The following DOCK3 variants were observed in gnomAD, a reference collection of about 807,000 sequenced individuals.
The protein encoded by DOCK3 is dedicator of cytokinesis 3.
In DOCK3, 60 loss-of-function variants were observed where a neutral mutation model predicts 265.6. That is an observed-to-expected ratio of 0.23 (90% CI 0.18 to 0.28). DOCK3 has a LOEUF of 0.28. Among genes scored for constraint, DOCK3 ranks in the 10% least tolerant of loss-of-function variants. The probability of loss-of-function intolerance (pLI) is 1.00; values close to 1 mark genes in which losing one functional copy is unlikely to be tolerated. For missense variants in DOCK3, 1,981 were observed against 2,594.3 expected (o/e 0.76, Z 5.14); for synonymous variants, 881 against 938.0 (o/e 0.94, Z 1.11).
At chr3:51,145,928 A>G (rs1316720321) in intron 9 of DOCK3, among the ~76,000 whole-genome samples, 2 of 152,182 alleles carry the variant, frequency 1.3e-5, no homozygotes, top group East Asian at 3.9e-4. Flanking sequence ...CCTCCACAAT[A>G]TTGTGAAGTT....
chr3:51,362,175 G>A lies in DOCK3; in HGVS notation c.5145+178G>A, dbSNP rs557732450. ...TCCTCCACACACCATCCTAAGTCTC[G>A]GTTCCCAGGCCTTATTTCCCAAGAA... is the stretch of plus-strand genomic sequence containing the variant. On this transcript the variant is annotated intron_variant, in intron 48 of 52. Transcript: ENST00000266037. Among the ~76,000 whole-genome samples, 169 of 152,296 alleles carry A rather than the reference G, an allele frequency of 1.1e-3. 2 individuals carry two copies. Among genetic ancestry groups the A allele is most frequent in the African/African-American group, 3.7e-3 (153 of 41,548 alleles).
chr3:51,249,907 A>G (rs1337045737), intron 22 of DOCK3, among the ~76,000 whole-genome samples: 1 of 148,470 alleles, frequency 6.7e-6, no homozygotes, highest in Non-Finnish European at 1.5e-5. Flanking sequence ...GACATGGGAG[A>G]CTTTTCATTT....
chr3:51,317,513 G>A (rs895197279), intron 32 of DOCK3, among the ~76,000 whole-genome samples: 18 of 150,358 alleles, frequency 1.2e-4, no homozygotes, highest in Non-Finnish European at 7.4e-5. Context: ...CCGGGAGGTG[G>A]AAGTTGCAGT....
chr3:51,171,577 TGTG>T (rs1322285198), intron 12 of DOCK3, among the ~76,000 whole-genome samples: 1 of 151,192 alleles, frequency 6.6e-6, no homozygotes, highest in Non-Finnish European at 1.5e-5. Context: ...ATTAGCGGAG[TGTG>T]GTGGTGGGCA....
chr3:50,801,173 G>A (rs2043047220), intron 2 of DOCK3, among the ~76,000 whole-genome samples: 1 of 152,122 alleles, frequency 6.6e-6, no homozygotes, highest in African/African-American at 2.4e-5. Flanking sequence ...GCAATGGTGA[G>A]CACACACCTG....
At chr3:51,265,399 A>G (rs1245456734) in intron 23 of DOCK3, among the ~76,000 whole-genome samples, 3 of 152,186 alleles carry the variant, frequency 2.0e-5, no homozygotes, top group Non-Finnish European at 2.9e-5. Context: ...CACAACAAAA[A>G]CAGAAAATTT....
At chr3:51,104,899 C>G (rs1219815171) in intron 9 of DOCK3, among the ~76,000 whole-genome samples, 1 of 152,140 alleles carries the variant, frequency 6.6e-6, no homozygotes, top group Non-Finnish European at 1.5e-5. Flanking sequence ...AGTAATCCTC[C>G]AACCCCAGCC....
Position 51,017,442 on chromosome 3 carries a change from G to A in DOCK3, c.316-47006G>A, listed in dbSNP as rs150073472. Among the ~76,000 whole-genome samples, 193 of 151,604 alleles carry A rather than the reference G, an allele frequency of 1.3e-3. 5 individuals carry two copies. In the East Asian group the frequency reaches 0.029, roughly 22 times the overall value. ...GCTTGCTTTTCCAGTTCTTTAAGAT[G>A]TATCATTGGGTTGTTTATTTAAAGC... On this transcript the variant is annotated intron_variant, in intron 5 of 52. Transcript: ENST00000266037.
chr3:51,141,394 C>T (rs2085064274), intron 9 of DOCK3, among the ~76,000 whole-genome samples: 1 of 150,668 alleles, frequency 6.6e-6, no homozygotes, highest in African/African-American at 2.4e-5. Flanking sequence ...TAGTAATCAT[C>T]ACAGCAGTTA....
At chr3:50,972,736 ATTT>A (rs2077278506) in intron 5 of DOCK3, among the ~76,000 whole-genome samples, 1 of 152,018 alleles carries the variant, frequency 6.6e-6, no homozygotes, top group Non-Finnish European at 1.5e-5. Context: ...TGGTGGATTT[ATTT>A]CTAGTTTCTC....
chr3:50,949,620 C>T (rs970370119), intron 5 of DOCK3, among the ~76,000 whole-genome samples: 2 of 151,988 alleles, frequency 1.3e-5, no homozygotes, highest in Non-Finnish European at 2.9e-5. Flanking sequence ...ATTGTGTTTT[C>T]TTTATATTAG....
At chr3:51,340,158 A>G (rs2085144533) in intron 37 of DOCK3, among the ~76,000 whole-genome samples, 1 of 152,130 alleles carries the variant, frequency 6.6e-6, no homozygotes, top group South Asian at 2.1e-4. Context: ...CATTTGCTAA[A>G]CTCCTAGGAA....
At chr3:50,811,867 C>G (rs1488299653) in intron 2 of DOCK3, among the ~76,000 whole-genome samples, 2 of 152,242 alleles carry the variant, frequency 1.3e-5, no homozygotes, top group Admixed American at 6.5e-5. Context: ...TAATTGTTAA[C>G]TAGTAAAAAA....
chr3:50,729,927 C>G (rs915193389), intron 1 of DOCK3, among the ~76,000 whole-genome samples: 23 of 150,420 alleles, frequency 1.5e-4, no homozygotes, highest in African/African-American at 5.1e-4. Flanking sequence ...TAAGTGATTC[C>G]CCTGCCTCAG....
intron 1 of DOCK3, among the ~76,000 whole-genome samples, chr3:50,774,147 A>G (rs2041450326): frequency 2.0e-5 from 3 of 151,992 alleles, no homozygotes; most frequent in Admixed American, 2.0e-4. Flanking sequence ...ACATTTTTTC[A>G]CAGCTTGTTT....
chr3:50,917,217 T>G (rs2050175430), intron 4 of DOCK3, among the ~76,000 whole-genome samples: 1 of 152,150 alleles, frequency 6.6e-6, no homozygotes, highest in Non-Finnish European at 1.5e-5. Flanking sequence ...GACCTTCACA[T>G]GATTTCTAGA....
intron 23 of DOCK3, among the ~76,000 whole-genome samples, chr3:51,269,569 A>T (rs2080387572): frequency 6.6e-6 from 1 of 152,120 alleles, no homozygotes; most frequent in South Asian, 2.1e-4. Context: ...ATAAATTTTC[A>T]CTCACTCTAA....
At chr3:50,883,338 TAA>T (rs896473469) in intron 3 of DOCK3, among the ~76,000 whole-genome samples, 1 of 151,378 alleles carries the variant, frequency 6.6e-6, no homozygotes, top group African/African-American at 2.4e-5. Context: ...TTTTTCTTTA[TAA>T]AAAAAAATGT....
At chr3:50,718,046 C>T (rs1044000139) in intron 1 of DOCK3, among the ~76,000 whole-genome samples, 8 of 152,164 alleles carry the variant, frequency 5.3e-5, no homozygotes, top group African/African-American at 9.7e-5. Flanking sequence ...AATTTCAATT[C>T]CAGTGGTTAC....
Sources: gnomAD v4.1 joint callset for allele counts (sites outside exome capture counted in the v4.1 genomes callset) on GRCh38, gnomAD v4.1.1 for gene constraint, MANE v1.5 for transcripts, NCBI Gene and HGNC (gene_info 2026-07-23, HGNC 2026-07-21) for gene names.